The following MGAT4A variants were observed in gnomAD, a reference collection of about 807,000 sequenced individuals.
MGAT4A encodes alpha-1,3-mannosyl-glycoprotein 4-beta-N-acetylglucosaminyltransferase A.
MGAT4A carries 33 observed loss-of-function variants against 74.1 expected under a neutral mutation model. The ratio of observed to expected loss-of-function variants is 0.45; its 90% confidence interval spans 0.34 to 0.60. The LOEUF (loss-of-function observed/expected upper bound fraction) is 0.60, where lower values mean the gene tolerates loss of function less well. Among genes scored for constraint, MGAT4A ranks in the 20% least tolerant of loss-of-function variants. MGAT4A has a pLI of 0.02. For missense variants in MGAT4A, 479 were observed against 628.3 expected (o/e 0.76, Z 2.54); for synonymous variants, 198 against 210.4 (o/e 0.94, Z 0.51).
chr2:98,684,720 T>A (rs926394207), intron 2 of MGAT4A, among the ~76,000 whole-genome samples: 1 of 152,166 alleles, frequency 6.6e-6, no homozygotes, highest in Non-Finnish European at 1.5e-5. Flanking sequence ...TCACATCTAA[T>A]GTGTGGTGAA....
chr2:98,639,893 T>C lies in MGAT4A; in HGVS notation c.1237A>G (p.Met413Val), dbSNP rs779281323. The C allele has an allele frequency of 1.9e-6, 3 of 1,614,186 alleles. No homozygotes were observed. The highest frequency in any genetic ancestry group is 2.5e-6 in the Non-Finnish European group (3 of 1,180,012). ...ATAGCCCAGAAGAAATCCTCTCCCA[T>C]GTAAGTTTTCTCCAGCGTATGCCCT... ...YQGHTLEKTY[M>V]GEDFFWAITP... Residue 413 changes from methionine (M) to valine (V), a missense_variant, in exon 12 of 16, where the codon ATG becomes GTG. Met to Val is a conservative substitution (Grantham distance 21). Transcript: ENST00000393487.
rs2104204424 is a variant in MGAT4A, at chr2:98,622,930, G to A, written c.*2636C>T. 1.0e-6 allele frequency: 1 copy of A among 983,908 alleles called. No individual in the cohort carries two copies. Among genetic ancestry groups the A allele is most frequent in the Non-Finnish European group, 1.2e-6 (1 of 828,450 alleles). The allele number at this position is 983,908 out of a possible 1,614,324, so 60.9% of individuals were successfully genotyped here. The stretch of plus-strand genomic sequence containing the variant: ...GCACTTTGGGAGGCTGAGGCAGGAG[G>A]ATTGCTTGAGGCCAGAGATCGAGGC... On this transcript the variant is annotated 3_prime_UTR_variant, in exon 16 of 16. Coordinates refer to ENST00000393487, the MANE Select transcript of MGAT4A (RefSeq NM_012214.3).
At chr2:98,683,604 T>A (rs552249952) in intron 2 of MGAT4A, among the ~76,000 whole-genome samples, 7 of 152,224 alleles carry the variant, frequency 4.6e-5, no homozygotes, top group African/African-American at 1.4e-4. Flanking sequence ...ATGGCAGATA[T>A]AGGCTCAGTC....
chr2:98,701,110 G>C (rs370174745), intron 2 of MGAT4A, among the ~76,000 whole-genome samples: 1 of 152,030 alleles, frequency 6.6e-6, no homozygotes, highest in African/African-American at 2.4e-5. Flanking sequence ...TGAACCTCCT[G>C]AAAGGGTCTA....
intron 4 of MGAT4A, among the ~76,000 whole-genome samples, chr2:98,674,139 T>C (rs1175613381): frequency 3.3e-5 from 5 of 152,174 alleles, no homozygotes; most frequent in Non-Finnish European, 5.9e-5. Flanking sequence ...TATAGATCAA[T>C]GAGAAGATGT....
chr2:98,691,665 T>C (rs75807680), intron 2 of MGAT4A, among the ~76,000 whole-genome samples: 1,741 of 152,360 alleles, frequency 0.011, 15 homozygotes, highest in Non-Finnish European at 0.018. Flanking sequence ...TACTATACTA[T>C]GCTTTTTATT....
intron 2 of MGAT4A, among the ~76,000 whole-genome samples, chr2:98,716,162 T>A (rs1403163413): frequency 2.0e-5 from 3 of 151,492 alleles, no homozygotes; most frequent in African/African-American, 2.4e-5. Flanking sequence ...CTACAAAAAA[T>A]TTTTGCAATT....
intron 2 of MGAT4A, among the ~76,000 whole-genome samples, chr2:98,706,408 G>A (rs917609233): frequency 6.6e-6 from 1 of 151,984 alleles, no homozygotes; most frequent in Non-Finnish European, 1.5e-5. Flanking sequence ...TCAGCTCACT[G>A]CAACCTCCGC....
intron 2 of MGAT4A, among the ~76,000 whole-genome samples, chr2:98,699,876 G>C (rs62158019): frequency 6.6e-6 from 1 of 151,914 alleles, no homozygotes; most frequent in Non-Finnish European, 1.5e-5. Flanking sequence ...GTGACAAAAT[G>C]CTCCCTGGAA....
At chr2:98,696,948 T>A (rs1199714591) in intron 2 of MGAT4A, among the ~76,000 whole-genome samples, 1 of 152,204 alleles carries the variant, frequency 6.6e-6, no homozygotes, top group Non-Finnish European at 1.5e-5. Context: ...TGCATTGTGA[T>A]CCACTTTTTT....
chr2:98,624,494 C>A lies in MGAT4A; in HGVS notation c.*1072G>T, dbSNP rs1217029826. ...CAATAAAATCATTTTGGAAAATATA[C>A]TACTAATAATATATTTCACCAAAAA... On this transcript the variant is annotated 3_prime_UTR_variant, in exon 16 of 16. Coordinates refer to ENST00000393487, the MANE Select transcript of MGAT4A (RefSeq NM_012214.3). 1.0e-6 allele frequency: 1 copy of A among 967,532 alleles called. No individual in the cohort carries two copies. The highest frequency in any genetic ancestry group is 1.1e-4 in the East Asian group (1 of 8,734). The allele number at this position is 967,532 out of a possible 1,614,324, so 59.9% of individuals were successfully genotyped here.
chr2:98,640,482 T>C (rs1027500692), intron 10 of MGAT4A, among the ~76,000 whole-genome samples: 1 of 152,056 alleles, frequency 6.6e-6, no homozygotes, highest in Non-Finnish European at 1.5e-5. Flanking sequence ...TGCAAGCCTA[T>C]AATCCCAGCT....
At position 98,625,595 on chromosome 2, in the gene MGAT4A, G is replaced by A; in HGVS notation, c.1582-3C>T. On this transcript the variant is annotated splice_polypyrimidine_tract_variant and splice_region_variant and intron_variant, in intron 15 of 15. Coordinates refer to ENST00000393487, the MANE Select transcript of MGAT4A (RefSeq NM_012214.3). The stretch of plus-strand genomic sequence containing the variant: ...TTGGTGGCTTTTTTAATATGAATCT[G>A]AAATACAAAATCATAAAAGGTATGA... 6.2e-7 allele frequency: 1 copy of A among 1,605,578 alleles called. No individual in the cohort carries two copies. The highest frequency in any genetic ancestry group is 8.5e-7 in the Non-Finnish European group (1 of 1,175,298).
Position 98,622,215 on chromosome 2 carries a change from G to C in MGAT4A, c.*3351C>G, listed in dbSNP as rs1701071948. 7.1e-6 allele frequency: 7 copies of C among 985,238 alleles called. No homozygotes were observed. In the African/African-American group the frequency reaches 1.2e-4, roughly 17 times the overall value. 61.0% of individuals were successfully genotyped at this position (985,238 alleles called of 1,614,324 possible). On this transcript the variant is annotated 3_prime_UTR_variant, in exon 16 of 16. Coordinates refer to ENST00000393487, the MANE Select transcript of MGAT4A (RefSeq NM_012214.3). ...TTAACCTCATGAGAATGTATTAATT[G>C]TGGTTTCTAAGCTGTTCATAATTAG...
chr2:98,701,415 G>A (rs1702354111), intron 2 of MGAT4A, among the ~76,000 whole-genome samples: 1 of 152,118 alleles, frequency 6.6e-6, no homozygotes. Flanking sequence ...TTCTGAAGCA[G>A]CACAAAAAAA....
At position 98,639,796 on chromosome 2, in the gene MGAT4A, A is replaced by G. The variant is rs748211308; in HGVS notation, c.1322+12T>C. 2 of 1,593,118 alleles carry G rather than the reference A, an allele frequency of 1.3e-6. No individual in the cohort carries two copies. The highest frequency in any genetic ancestry group is 1.7e-6 in the Non-Finnish European group (2 of 1,166,650). On this transcript the variant is annotated intron_variant, in intron 12 of 15. Coordinates refer to ENST00000393487, the MANE Select transcript of MGAT4A (RefSeq NM_012214.3). ...AAATTGTAAGATCACATACATTTCA[A>G]TAATCACCAACCTTTCTACATTGAC...
rs1466418251 is a variant in MGAT4A, at chr2:98,620,911, C to A, written c.*4655G>T. The A allele has an allele frequency of 6.6e-6, 1 of 152,548 alleles. No homozygotes were observed. The highest frequency in any genetic ancestry group is 2.4e-5 in the African/African-American group (1 of 41,448). 9.4% of individuals were successfully genotyped at this position (152,548 alleles called of 1,614,324 possible). On this transcript the variant is annotated 3_prime_UTR_variant, in exon 16 of 16. Coordinates refer to ENST00000393487, the MANE Select transcript of MGAT4A (RefSeq NM_012214.3). ...TTACCAAACGCTACTCAGTAAGATG[C>A]TGCAACTTTGCCAACAAACGTCCAA...
intron 3 of MGAT4A, among the ~76,000 whole-genome samples, chr2:98,675,627 G>A (rs757627560): frequency 2.0e-5 from 3 of 149,754 alleles, no homozygotes; most frequent in East Asian, 1.9e-4. Flanking sequence ...GTTCACTGTC[G>A]CCTTGACCTC....
At chr2:98,689,400 T>C (rs1370232377) in intron 2 of MGAT4A, among the ~76,000 whole-genome samples, 2 of 152,242 alleles carry the variant, frequency 1.3e-5, no homozygotes, top group African/African-American at 2.4e-5. Flanking sequence ...TCTCAGACTA[T>C]GAGTCTTCAG....
Sources: allele counts gnomAD v4.1 joint callset (sites outside exome capture counted in the v4.1 genomes callset), GRCh38; gene constraint gnomAD v4.1.1; transcripts MANE v1.5; gene names NCBI Gene and HGNC (gene_info 2026-07-23, HGNC 2026-07-21).